ATG7: variants seen among roughly 807,000 people sequenced by gnomAD.
ATG7 encodes autophagy related 7.
ATG7 carries 70 observed loss-of-function variants against 82.4 expected under a neutral mutation model. The observed-to-expected ratio is 0.85, with a 90% CI of 0.70 to 1.04. ATG7 has a LOEUF of 1.04. Among genes scored for constraint, ATG7 ranks in the 50% least tolerant of loss-of-function variants. The pLI is 0.00. For missense variants in ATG7, 792 were observed against 864.3 expected (o/e 0.92, Z 1.05); for synonymous variants, 287 against 313.0 (o/e 0.92, Z 0.88).
intron 20 of ATG7, among the ~76,000 whole-genome samples, chr3:11,437,457 T>C (rs977936115): frequency 6.6e-6 from 1 of 152,178 alleles, no homozygotes; most frequent in Admixed American, 6.6e-5. Context: ...ATAAAGGGGT[T>C]AGGGGAAGAT....
chr3:11,321,745 A>G (rs1241539309), intron 9 of ATG7, among the ~76,000 whole-genome samples: 1 of 152,030 alleles, frequency 6.6e-6, no homozygotes, highest in Non-Finnish European at 1.5e-5. Context: ...CAGTAACAAC[A>G]CCCCCTTCCT....
At chr3:11,483,077 A>G (rs556314568) in intron 20 of ATG7, among the ~76,000 whole-genome samples, 92 of 152,278 alleles carry the variant, frequency 6.0e-4, no homozygotes, top group African/African-American at 2.2e-3. Context: ...ATATGTAAGA[A>G]TGCAAAATTA....
intron 20 of ATG7, among the ~76,000 whole-genome samples, chr3:11,470,228 C>T (rs572057230): frequency 8.5e-5 from 13 of 152,248 alleles, no homozygotes; most frequent in South Asian, 8.3e-4. Flanking sequence ...CATCACTTAA[C>T]GATGGGGATG....
intron 20 of ATG7, among the ~76,000 whole-genome samples, chr3:11,429,457 C>T (rs927061639): frequency 2.6e-5 from 4 of 151,952 alleles, no homozygotes; most frequent in Admixed American, 2.6e-4. Context: ...GATGGCGCCA[C>T]TGCACTCCAG....
intron 11 of ATG7, among the ~76,000 whole-genome samples, chr3:11,336,819 T>C (rs1478623463): frequency 6.6e-6 from 1 of 152,030 alleles, no homozygotes; most frequent in African/African-American, 2.4e-5. Flanking sequence ...ACTACAGGCA[T>C]GTGCCACCAC....
chr3:11,273,805 G>T (rs933197020), intron 1 of ATG7, among the ~76,000 whole-genome samples: 3 of 152,118 alleles, frequency 2.0e-5, no homozygotes, highest in Non-Finnish European at 4.4e-5. Flanking sequence ...TGTCAGTAAG[G>T]GTTGGTAGGT....
chr3:11,416,486 T>G (rs1234642537), intron 19 of ATG7, among the ~76,000 whole-genome samples: 2 of 152,192 alleles, frequency 1.3e-5, no homozygotes, highest in Admixed American at 1.3e-4. Context: ...ATCAAATTTC[T>G]AGATACGGAG....
At chr3:11,290,502 T>C (rs1331639723) in intron 3 of ATG7, 2 of 338,390 alleles carry the variant, frequency 5.9e-6, no homozygotes, top group East Asian at 2.0e-4. Context: ...CTGTTTTTAC[T>C]TTTGGTAGTG....
Position 11,474,873 on chromosome 3 carries a change from G to T in ATG7, c.2079+47947G>T, listed in dbSNP as rs575183557. Among the ~76,000 whole-genome samples, 21 of 152,232 alleles carry T rather than the reference G, an allele frequency of 1.4e-4. No homozygotes were observed. In the South Asian group the frequency reaches 2.9e-3, roughly 21 times the overall value. ...CTCAGTCTAAGGATGGGGTGGGAGT[G>T]GGGGGCCGGAGCCAGTATGGCAGCA... On this transcript the variant is annotated intron_variant, in intron 20 of 20. Coordinates refer to ENST00000693202, the MANE Select transcript of ATG7 (RefSeq NM_001349232.2).
Position 11,554,958 on chromosome 3 carries a change from C to A in ATG7, c.*115C>A. 2 of 1,355,796 alleles carry A rather than the reference C, an allele frequency of 1.5e-6. No homozygotes were observed. The highest frequency in any genetic ancestry group is 2.0e-6 in the Non-Finnish European group (2 of 1,006,416). 84.0% of individuals were successfully genotyped at this position (1,355,796 alleles called of 1,614,324 possible). A position where few individuals can be genotyped will look rare whatever the true frequency, so the allele number is the denominator to read the frequency against. Reference sequence around the variant, plus strand: ...GATTCTGGGCCCCTCCTCCATACCCCGAGGTCTGGGATTCCCCCCTCTGCT... The same window carrying A: ...GATTCTGGGCCCCTCCTCCATACCCAGAGGTCTGGGATTCCCCCCTCTGCT... On this transcript the variant is annotated 3_prime_UTR_variant, in exon 21 of 21. Coordinates refer to ENST00000693202, the MANE Select transcript of ATG7 (RefSeq NM_001349232.2).
At chr3:11,498,012 C>T (rs752349049) in intron 20 of ATG7, among the ~76,000 whole-genome samples, 1 of 152,172 alleles carries the variant, frequency 6.6e-6, no homozygotes, top group Non-Finnish European at 1.5e-5. Context: ...CATCACAAGT[C>T]ATTGAGTCCT....
chr3:11,563,898 C>T, the ATG7 span, among the ~76,000 whole-genome samples: 18 of 152,200 alleles, frequency 1.2e-4, no homozygotes, highest in Admixed American at 5.9e-4. Context: ...CTACCCCACC[C>T]ACAGTTTCAA....
chr3:11,531,444 C>T (rs1017694392), intron 20 of ATG7, among the ~76,000 whole-genome samples: 6 of 152,186 alleles, frequency 3.9e-5, no homozygotes, highest in African/African-American at 1.4e-4. Context: ...CCACCACCCC[C>T]TGTGTGCCAG....
chr3:11,490,327 G>C (rs2090210829), intron 20 of ATG7, among the ~76,000 whole-genome samples: 1 of 152,138 alleles, frequency 6.6e-6, no homozygotes, highest in Non-Finnish European at 1.5e-5. Context: ...TTGCTTGGTA[G>C]ATCTTCCTCC....
At chr3:11,474,162 T>C (rs2087859176) in intron 20 of ATG7, among the ~76,000 whole-genome samples, 1 of 152,260 alleles carries the variant, frequency 6.6e-6, no homozygotes, top group Admixed American at 6.5e-5. Flanking sequence ...ATCCAGTGTC[T>C]TCTGAATGCT....
intron 20 of ATG7, among the ~76,000 whole-genome samples, chr3:11,450,609 T>C (rs1232701720): frequency 6.6e-6 from 1 of 152,230 alleles, no homozygotes; most frequent in Admixed American, 6.5e-5. Context: ...GTTCACCTCA[T>C]GGAGCTGTGA....
chr3:11,300,588 G>A (rs951147390), intron 5 of ATG7, among the ~76,000 whole-genome samples: 20 of 152,112 alleles, frequency 1.3e-4, no homozygotes, highest in African/African-American at 4.3e-4. Flanking sequence ...AACTGGAGAC[G>A]GGGAGAAAGG....
At chr3:11,316,723 C>A (rs569927424) in intron 9 of ATG7, among the ~76,000 whole-genome samples, 1 of 152,226 alleles carries the variant, frequency 6.6e-6, no homozygotes, top group African/African-American at 2.4e-5. Flanking sequence ...GAAAGAGTAC[C>A]GTAAATGTCT....
chr3:11,403,274 A>G (rs894153962), intron 19 of ATG7, among the ~76,000 whole-genome samples: 8 of 152,170 alleles, frequency 5.3e-5, no homozygotes, highest in Non-Finnish European at 1.2e-4. Flanking sequence ...GCGGAGAGGA[A>G]GTCCTCATTG....
Sources: allele counts gnomAD v4.1 joint callset (sites outside exome capture counted in the v4.1 genomes callset), GRCh38; gene constraint gnomAD v4.1.1; transcripts MANE v1.5; gene names NCBI Gene and HGNC (gene_info 2026-07-23, HGNC 2026-07-21).